ALK: variants seen among roughly 807,000 people sequenced by gnomAD.
ALK encodes ALK tyrosine kinase receptor.
In ALK, 74 loss-of-function variants were observed where a neutral mutation model predicts 163.1. That is an observed-to-expected ratio of 0.45 (90% CI 0.38 to 0.55). The LOEUF (loss-of-function observed/expected upper bound fraction) is 0.55. Among genes scored for constraint, ALK ranks in the 20% least tolerant of loss-of-function variants. ALK has a pLI of 0.00. For synonymous variants in ALK, 960 were observed against 843.2 expected (o/e 1.14, Z -2.40); for missense variants, 2,063 against 2,105.3 (o/e 0.98, Z 0.39).
chr2:29,260,858 A>AAC (rs1665069652), intron 11 of ALK, among the ~76,000 whole-genome samples: 1 of 151,936 alleles, frequency 6.6e-6, no homozygotes, highest in Admixed American at 6.6e-5. Context: ...ACAAAAAAAA[A>AAC]AACAACAACA....
At chr2:29,462,012 T>C (rs560932539) in intron 4 of ALK, among the ~76,000 whole-genome samples, 1 of 152,192 alleles carries the variant, frequency 6.6e-6, no homozygotes, top group African/African-American at 2.4e-5. Flanking sequence ...CTTTGAGGGG[T>C]TTAAGACTTC....
chr2:29,301,933 A>G (rs995032349), intron 8 of ALK, among the ~76,000 whole-genome samples: 1 of 152,134 alleles, frequency 6.6e-6, no homozygotes, highest in Admixed American at 6.5e-5. Context: ...ATCATCATCT[A>G]CTCACTCGCA....
At chr2:29,533,605 G>A (rs4405715) in intron 3 of ALK, among the ~76,000 whole-genome samples, 26 of 152,306 alleles carry the variant, frequency 1.7e-4, no homozygotes, top group African/African-American at 5.8e-4. Flanking sequence ...AGGGGAATGA[G>A]AGGCACATGG....
intron 3 of ALK, among the ~76,000 whole-genome samples, chr2:29,676,042 A>G (rs907292187): frequency 6.6e-5 from 10 of 151,882 alleles, no homozygotes; most frequent in African/African-American, 2.4e-4. Context: ...TTATTTTTTA[A>G]TTCAGCTTTT....
chr2:29,881,730 C>T (rs1666874400), intron 1 of ALK, among the ~76,000 whole-genome samples: 1 of 152,186 alleles, frequency 6.6e-6, no homozygotes, highest in South Asian at 2.1e-4. Context: ...CTCCATGAAA[C>T]TTTTCCCAAT....
At chr2:29,769,912 C>T (rs1291295371) in intron 1 of ALK, among the ~76,000 whole-genome samples, 1 of 152,168 alleles carries the variant, frequency 6.6e-6, no homozygotes, top group Non-Finnish European at 1.5e-5. Flanking sequence ...AGTGTGGAGG[C>T]CTAGCAGCAG....
At chr2:29,576,330 C>A (rs1674524541) in intron 3 of ALK, among the ~76,000 whole-genome samples, 1 of 152,226 alleles carries the variant, frequency 6.6e-6, no homozygotes, top group South Asian at 2.1e-4. Flanking sequence ...CTCCTTCCTG[C>A]CTCCTCTAGG....
intron 3 of ALK, among the ~76,000 whole-genome samples, chr2:29,554,363 C>G (rs1263595736): frequency 6.6e-6 from 1 of 152,146 alleles, no homozygotes; most frequent in Non-Finnish European, 1.5e-5. Context: ...TAAGTGAGAT[C>G]TAAATTGCAA....
intron 4 of ALK, among the ~76,000 whole-genome samples, chr2:29,437,632 A>C (rs6547928): frequency 0.85 from 128,390 of 151,734 alleles, 55,539 homozygotes; most frequent in Non-Finnish European, 0.95. Flanking sequence ...ATTGAGATAA[A>C]CAATTATAGA....
intron 6 of ALK, among the ~76,000 whole-genome samples, chr2:29,325,860 C>T (rs1667242420): frequency 6.6e-6 from 1 of 152,160 alleles, no homozygotes; most frequent in Admixed American, 6.5e-5. Context: ...AGTAAAGGCT[C>T]AACAGGTAAG....
At chr2:29,671,250 G>C (rs946793008) in intron 3 of ALK, among the ~76,000 whole-genome samples, 9 of 152,090 alleles carry the variant, frequency 5.9e-5, no homozygotes, top group Non-Finnish European at 1.3e-4. Flanking sequence ...TAGTCAAAGT[G>C]CTGCCTGTTC....
At chr2:29,334,375 AG>A (rs1409568579) in intron 5 of ALK, among the ~76,000 whole-genome samples, 1 of 152,224 alleles carries the variant, frequency 6.6e-6, no homozygotes, top group Non-Finnish European at 1.5e-5. Context: ...TAGCTGGGGA[AG>A]GTCTCATTAT....
chr2:29,664,461 T>A (rs1677445315), intron 3 of ALK, among the ~76,000 whole-genome samples: 2 of 152,130 alleles, frequency 1.3e-5, no homozygotes, highest in South Asian at 4.1e-4. Flanking sequence ...TGGGTCTTTA[T>A]CTGTCACTTG....
At chr2:29,626,350 G>A (rs537927133) in intron 3 of ALK, among the ~76,000 whole-genome samples, 2 of 152,268 alleles carry the variant, frequency 1.3e-5, no homozygotes, top group South Asian at 2.1e-4. Flanking sequence ...TCTCGTGGTA[G>A]TGAATAAGTC....
At position 29,361,537 on chromosome 2, in the gene ALK, C is replaced by G. The variant is rs116199383; in HGVS notation, c.1282+22195G>C. On this transcript the variant is annotated intron_variant, in intron 5 of 28. Coordinates refer to ENST00000389048, the MANE Select transcript of ALK (RefSeq NM_004304.5). ...TTATAGTGGGAAAACACTGGGCCAG[C>G]AGTGGAGAAGCTGAGCTGTGGTTCT... Among the ~76,000 whole-genome samples the G allele has an allele frequency of 4.7e-3, 717 of 152,322 alleles. 8 individuals are homozygous for G. Among genetic ancestry groups the G allele is most frequent in the African/African-American group, 0.017 (691 of 41,562 alleles).
At chr2:29,761,718 C>T (rs989556452) in intron 1 of ALK, among the ~76,000 whole-genome samples, 3 of 152,164 alleles carry the variant, frequency 2.0e-5, no homozygotes, top group East Asian at 1.9e-4. Flanking sequence ...CATAGCCATA[C>T]GTAGATGACC....
chr2:29,786,617 A>G (rs1664032263), intron 1 of ALK, among the ~76,000 whole-genome samples: 1 of 152,194 alleles, frequency 6.6e-6, no homozygotes, highest in African/African-American at 2.4e-5. Context: ...GGCAAGGAAA[A>G]GGTGAATAAT....
intron 1 of ALK, among the ~76,000 whole-genome samples, chr2:29,876,755 G>A (rs1666732754): frequency 6.6e-6 from 1 of 152,048 alleles, no homozygotes; most frequent in Non-Finnish European, 1.5e-5. Context: ...TGATGATGGT[G>A]GTGATGGTGA....
chr2:29,258,874 T>C (rs1014963190), intron 11 of ALK, among the ~76,000 whole-genome samples: 1 of 152,216 alleles, frequency 6.6e-6, no homozygotes, highest in Admixed American at 6.5e-5. Context: ...CTGGGTGCTA[T>C]GGAAGCTTTT....
Sources: allele counts gnomAD v4.1 joint callset (sites outside exome capture counted in the v4.1 genomes callset), GRCh38; gene constraint gnomAD v4.1.1; transcripts MANE v1.5; gene names NCBI Gene and HGNC (gene_info 2026-07-23, HGNC 2026-07-21).